The following KRABD5 variants were observed in gnomAD, a reference collection of about 807,000 sequenced individuals.
The protein encoded by KRABD5 is KRAB domain-containing protein 5.
chr16:31,756,442 C>T, the KRABD5 span: 1 of 151,982 alleles, frequency 6.6e-6, no homozygotes, highest in Non-Finnish European at 1.5e-5. Flanking sequence ...AAGTAGTAAT[C>T]TTGAATATTA....
At chr16:31,727,915 GC>G in the KRABD5 span, among the ~76,000 whole-genome samples, 5 of 152,132 alleles carry the variant, frequency 3.3e-5, no homozygotes, top group Non-Finnish European at 1.5e-5. Context: ...AAACCAAAGT[GC>G]AGTGGCATGA....
the KRABD5 span, chr16:31,754,819 C>T: frequency 2.1e-6 from 1 of 469,542 alleles, no homozygotes; most frequent in African/African-American, 2.0e-5. Flanking sequence ...GTGACAAAGC[C>T]TTTAACCATC....
chr16:31,755,461 A>G, the KRABD5 span: 3 of 468,352 alleles, frequency 6.4e-6, no homozygotes, highest in African/African-American at 6.0e-5. Context: ...CTGGAGTAAA[A>G]CTTTACAAAT....
the KRABD5 span, among the ~76,000 whole-genome samples, chr16:31,717,757 G>A: frequency 3.3e-5 from 5 of 152,048 alleles, no homozygotes; most frequent in Non-Finnish European, 7.3e-5. Context: ...CCCAAACACT[G>A]AGAAATGTAA....
the KRABD5 span, among the ~76,000 whole-genome samples, chr16:31,716,563 A>G: frequency 6.6e-6 from 1 of 152,098 alleles, no homozygotes; most frequent in Non-Finnish European, 1.5e-5. Flanking sequence ...TTTTGTAGAG[A>G]CAGGGAGGGT....
At chr16:31,720,791 T>C in the KRABD5 span, among the ~76,000 whole-genome samples, 2 of 152,226 alleles carry the variant, frequency 1.3e-5, no homozygotes, top group African/African-American at 4.8e-5. Context: ...TACTGAGTGA[T>C]GCATGTAAAC....
At chr16:31,747,155 A>G in the KRABD5 span, among the ~76,000 whole-genome samples, 1 of 77,308 alleles carries the variant, frequency 1.3e-5, no homozygotes, top group African/African-American at 5.5e-5. Flanking sequence ...CCCACCCCAC[A>G]ACAGGCCCCA....
At chr16:31,728,817 T>C in the KRABD5 span, among the ~76,000 whole-genome samples, 1 of 152,226 alleles carries the variant, frequency 6.6e-6, no homozygotes, top group Non-Finnish European at 1.5e-5. Flanking sequence ...TATAGTGTTA[T>C]AGTAGTGCAC....
the KRABD5 span, among the ~76,000 whole-genome samples, chr16:31,715,639 C>G: frequency 6.6e-6 from 1 of 152,178 alleles, no homozygotes; most frequent in Non-Finnish European, 1.5e-5. Flanking sequence ...TAGATGGCCC[C>G]TGGGGAATTG....
the KRABD5 span, among the ~76,000 whole-genome samples, chr16:31,731,212 C>T: frequency 1.3e-5 from 2 of 152,124 alleles, no homozygotes; most frequent in African/African-American, 4.8e-5. Context: ...CTTTCAGATC[C>T]TGAGCTGATG....
At chr16:31,720,421 C>T in the KRABD5 span, among the ~76,000 whole-genome samples, 2 of 152,158 alleles carry the variant, frequency 1.3e-5, no homozygotes, top group Admixed American at 6.5e-5. Flanking sequence ...AATCACAGTA[C>T]TTAGCACGGG....
chr16:31,736,833 T>C, the KRABD5 span, among the ~76,000 whole-genome samples: 1 of 152,190 alleles, frequency 6.6e-6, no homozygotes, highest in African/African-American at 2.4e-5. Context: ...TTTAATAATA[T>C]TCTTCCAATA....
the KRABD5 span, among the ~76,000 whole-genome samples, chr16:31,740,141 A>G: frequency 1.3e-5 from 2 of 152,132 alleles, no homozygotes; most frequent in Non-Finnish European, 2.9e-5. Flanking sequence ...TTCCCACTCC[A>G]CATGCTATAT....
At chr16:31,714,293 A>G in the KRABD5 span, 1 of 451,674 alleles carries the variant, frequency 2.2e-6, no homozygotes, top group Non-Finnish European at 4.4e-6. Flanking sequence ...TATAAAGTGT[A>G]AGTGCCTTAC....
At chr16:31,727,840 C>T in the KRABD5 span, among the ~76,000 whole-genome samples, 1 of 151,886 alleles carries the variant, frequency 6.6e-6, no homozygotes, top group Admixed American at 6.6e-5. Context: ...TGTAATGACT[C>T]ATCCTTCTTT....
At chr16:31,722,746 T>C in the KRABD5 span, 2 of 1,591,284 alleles carry the variant, frequency 1.3e-6, no homozygotes, top group Non-Finnish European at 1.7e-6. Flanking sequence ...AAACCTGGTC[T>C]CTCTGGGTGA....
chr16:31,720,875 G>A, the KRABD5 span, among the ~76,000 whole-genome samples: 2 of 152,232 alleles, frequency 1.3e-5, no homozygotes, highest in African/African-American at 4.8e-5. Flanking sequence ...GAGAGTGAAG[G>A]CTCTCACATT....
the KRABD5 span, among the ~76,000 whole-genome samples, chr16:31,715,671 C>A: frequency 1.3e-5 from 2 of 152,278 alleles, no homozygotes; most frequent in East Asian, 3.9e-4. Context: ...TGTAGAGGGG[C>A]AGTGTTGTGG....
chr16:31,740,212 G>A, the KRABD5 span, among the ~76,000 whole-genome samples: 3 of 152,070 alleles, frequency 2.0e-5, no homozygotes, highest in African/African-American at 7.2e-5. Flanking sequence ...CGACCGAGCT[G>A]GTCTCAGCAT....
Sources: allele counts gnomAD v4.1 joint callset (sites outside exome capture counted in the v4.1 genomes callset), GRCh38; gene constraint gnomAD v4.1.1; transcripts MANE v1.5; gene names NCBI Gene and HGNC (gene_info 2026-07-23, HGNC 2026-07-21).